The following C17orf75 variants were observed in gnomAD, a reference collection of about 807,000 sequenced individuals.
The protein encoded by C17orf75 is protein Njmu-R1.
Under a neutral mutation model 49.6 loss-of-function variants are expected in C17orf75, and 32 were observed. The observed-to-expected ratio is 0.65, with a 90% CI of 0.49 to 0.87. The LOEUF (loss-of-function observed/expected upper bound fraction) is 0.87, where lower values mean the gene tolerates loss of function less well. Ranked by LOEUF, C17orf75 falls within the 40% of genes least tolerant of loss-of-function variation. C17orf75 has a pLI of 0.00. For synonymous variants in C17orf75, 158 were observed against 159.5 expected (o/e 0.99, Z 0.07); for missense variants, 428 against 473.9 (o/e 0.90, Z 0.90).
At position 32,341,227 on chromosome 17, in the gene C17orf75, T is replaced by C; in HGVS notation, c.198A>G (p.Glu66=). 8 of 1,613,918 alleles carry C rather than the reference T, an allele frequency of 5.0e-6. No individual in the cohort carries two copies. Among genetic ancestry groups the C allele is most frequent in the Non-Finnish European group, 6.8e-6 (8 of 1,179,870 alleles). ...ACCTGAAATCATCACCAGAGGGAGT[T>C]TCTGCATTTGTGCCACTTGGGCTTC... The part of the protein sequence containing the change: ...EDGSPSGTNA[E]TPSGDDFSLS... The change falls in exon 2 of 10, where the codon GAA becomes GAG. Residue 66 remains glutamate, a synonymous_variant. Coordinates refer to ENST00000577809, the MANE Select transcript of C17orf75 (RefSeq NM_022344.4).
chr17:32,343,125 C>G (rs894533353), upstream of C17orf75, among the ~76,000 whole-genome samples: 2 of 152,104 alleles, frequency 1.3e-5, no homozygotes, highest in Non-Finnish European at 2.9e-5. Flanking sequence ...CAAGGAATGT[C>G]AAGGATTGAT....
chr17:32,332,041 A>T, intron 9 of C17orf75, 63 bp from the exon 10 acceptor site: 2 of 1,341,078 alleles, frequency 1.5e-6, no homozygotes, highest in South Asian at 2.6e-5. Context: ...TCAAAAAATA[A>T]CTCCTATCCA....
chr17:32,349,674 G>A (rs1046325363), intron 1 of C17orf75, among the ~76,000 whole-genome samples: 1 of 152,138 alleles, frequency 6.6e-6, no homozygotes, highest in African/African-American at 2.4e-5. Context: ...CGCTCTCTGA[G>A]GTCCTACAGC....
chr17:32,345,835 C>G (rs942319946), upstream of C17orf75, among the ~76,000 whole-genome samples: 1 of 151,908 alleles, frequency 6.6e-6, no homozygotes, highest in Non-Finnish European at 1.5e-5. Flanking sequence ...CATGAGCCAC[C>G]GTGCCTGGTC....
chr17:32,343,817 T>C, upstream of C17orf75: 1 of 671,532 alleles, frequency 1.5e-6, no homozygotes, highest in Non-Finnish European at 2.7e-6. Flanking sequence ...AGATCGGCAG[T>C]AGTCTCTTGA....
At position 32,333,302 on chromosome 17, in the gene C17orf75, A is replaced by T. The variant is rs144138849; in HGVS notation, c.975+115T>A. 1.9e-5 allele frequency: 14 copies of T among 726,170 alleles called. No homozygotes were observed. The East Asian group carries it at 3.6e-4, about 19-fold the overall frequency. 45.0% of individuals were successfully genotyped at this position (726,170 alleles called of 1,614,324 possible). A position where few individuals can be genotyped will look rare whatever the true frequency, so the allele number is the denominator to read the frequency against. ...TCTTCTGATAATTCCAGTTTTGAGA[A>T]CATCCTAATTAACAGACATCACAGC... On this transcript the variant is annotated intron_variant, in intron 9 of 9. Coordinates refer to ENST00000577809, the MANE Select transcript of C17orf75 (RefSeq NM_022344.4).
chr17:32,336,664 T>A (rs2041329083), intron 5 of C17orf75, among the ~76,000 whole-genome samples: 1 of 152,218 alleles, frequency 6.6e-6, no homozygotes, highest in Non-Finnish European at 1.5e-5. Context: ...AGAGGCTGCA[T>A]GGACCAGTAC....
chr17:32,341,475 T>G lies in C17orf75; in HGVS notation c.141-191A>C, dbSNP rs555606490. ...AGAGCCCCTTCTCTCTCCAGGCCAC[T>G]TAACGGGTGGAGGAAAGGCTAAATA... On this transcript the variant is annotated intron_variant, in intron 1 of 9. Coordinates refer to ENST00000577809, the MANE Select transcript of C17orf75 (RefSeq NM_022344.4). Among the ~76,000 whole-genome samples the G allele has an allele frequency of 5.9e-5, 9 of 152,168 alleles. No individual in the cohort carries two copies. The East Asian group carries it at 1.7e-3, about 29-fold the overall frequency.
chr17:32,339,859 C>T lies in C17orf75; in HGVS notation c.301G>A (p.Gly101Ser). 6.8e-6 allele frequency: 11 copies of T among 1,614,012 alleles called. No homozygotes were observed. The highest frequency in any genetic ancestry group is 9.3e-6 in the Non-Finnish European group (11 of 1,179,888). ...TTACCCAGCCCTTCAAAGACTGCAC[C>T]TCTTGAAAGACGCTTAGCAATGAAA... ...RSFIAKRLSRGAVFEGLGNVA... is the reference protein window; with the variant it reads ...RSFIAKRLSRSAVFEGLGNVA... Residue 101 changes from glycine to serine, a missense_variant, in exon 3 of 10, where the codon GGT (glycine) becomes AGT (serine). Physicochemically the swap from Gly to Ser is moderately conservative, Grantham distance 56 (BLOSUM62 0). Coordinates refer to ENST00000577809, the MANE Select transcript of C17orf75 (RefSeq NM_022344.4).
At chr17:32,342,994 C>T (rs976884837), upstream of C17orf75, among the ~76,000 whole-genome samples, 16 of 152,106 alleles carry the variant, frequency 1.1e-4, no homozygotes, top group African/African-American at 3.4e-4. Flanking sequence ...TCTTAAAGGC[C>T]CCACTTCTTA....
chr17:32,344,941 A>C (rs1166081544), upstream of C17orf75, among the ~76,000 whole-genome samples: 1 of 152,052 alleles, frequency 6.6e-6, no homozygotes, highest in African/African-American at 2.4e-5. Flanking sequence ...AAAGAAAGAA[A>C]GGAAGTAATA....
Position 32,337,995 on chromosome 17 carries a change from C to G in C17orf75, c.492-41G>C, listed in dbSNP as rs1424203633. 1.9e-6 allele frequency: 3 copies of G among 1,552,678 alleles called. No individual in the cohort carries two copies. The African/African-American group carries it at 4.1e-5, about 21-fold the overall frequency. On this transcript the variant is annotated intron_variant, in intron 4 of 9. Coordinates refer to ENST00000577809, the MANE Select transcript of C17orf75 (RefSeq NM_022344.4). ...AGCAATAAAGGATGAATAATGAAGA[C>G]AGTATTTCATCTCTCAACAAGAAAT...
At chr17:32,333,612 C>G in intron 8 of C17orf75, 92 bp from the exon 9 acceptor site, 2 of 1,156,436 alleles carry the variant, frequency 1.7e-6, no homozygotes, top group Non-Finnish European at 2.5e-6. Context: ...CTCTTGTTGC[C>G]CGGCTGGAGT....
chr17:32,334,789 CTTTGT>C lies in C17orf75; in HGVS notation c.715_719del (p.Thr239GlufsTer4). ...CTGTTCTTTACCTGTTAATGTCTCT[CTTTGT>C]TTTTTCATCTGATTCTTTAACTTCA... is the stretch of plus-strand genomic sequence containing the variant. On this transcript the variant is annotated frameshift_variant, in exon 7 of 10. Coordinates refer to ENST00000577809, the MANE Select transcript of C17orf75 (RefSeq NM_022344.4). LOFTEE classifies it high-confidence loss of function. 1 of 1,606,202 alleles carries C rather than the reference CTTTGT, an allele frequency of 6.2e-7. No individual in the cohort carries two copies. The highest frequency in any genetic ancestry group is 8.5e-7 in the Non-Finnish European group (1 of 1,175,668).
upstream of C17orf75, chr17:32,343,807 A>G (rs965462233): frequency 6.0e-6 from 4 of 669,004 alleles, no homozygotes; most frequent in South Asian, 1.5e-5. Flanking sequence ...GAGGCATTTC[A>G]GATCGGCAGT....
At chr17:32,345,748 A>G (rs114215075), upstream of C17orf75, among the ~76,000 whole-genome samples, 1,163 of 151,624 alleles carry the variant, frequency 7.7e-3, 18 homozygotes, top group African/African-American at 0.027. Context: ...CAGAATCCCC[A>G]TGTTCGTCAG....
intron 1 of C17orf75, among the ~76,000 whole-genome samples, chr17:32,348,900 C>G (rs997331134): frequency 1.9e-5 from 2 of 103,790 alleles, no homozygotes; most frequent in African/African-American, 8.0e-5. Flanking sequence ...GAGTCTCACT[C>G]TGTCACCCAG....
intron 5 of C17orf75, 66 bp from the exon 6 acceptor site, chr17:32,335,508 T>C: frequency 6.3e-7 from 1 of 1,576,174 alleles, no homozygotes. Flanking sequence ...TCATATTTTC[T>C]TCATCATATC....
In C17orf75 at chr17:32,331,748, T is replaced by C. The variant is rs2041275462; in HGVS notation, c.*15A>G. ...AATATACAACTTGATCATACAATTA[T>C]CTCAAAACATATGATCAAAAACTTT... is the stretch of plus-strand genomic sequence containing the variant. On this transcript the variant is annotated 3_prime_UTR_variant, in exon 10 of 10. Coordinates refer to ENST00000577809, the MANE Select transcript of C17orf75 (RefSeq NM_022344.4). 6.3e-7 allele frequency: 1 copy of C among 1,576,192 alleles called. No homozygotes were observed. Among genetic ancestry groups the C allele is most frequent in the Non-Finnish European group, 8.7e-7 (1 of 1,145,832 alleles).
Sources: allele counts gnomAD v4.1 joint callset (sites outside exome capture counted in the v4.1 genomes callset), GRCh38; gene constraint gnomAD v4.1.1; transcripts MANE v1.5; gene names NCBI Gene and HGNC (gene_info 2026-07-23, HGNC 2026-07-21).